Variants in CTNNA2 observed in about 807,000 individuals in gnomAD.
CTNNA2 encodes the protein catenin alpha 2.
In CTNNA2, 42 loss-of-function variants were observed where a neutral mutation model predicts 101.0. That is an observed-to-expected ratio of 0.42 (90% CI 0.32 to 0.54). The LOEUF (loss-of-function observed/expected upper bound fraction) is 0.54. CTNNA2 is among the 20% of genes least tolerant of loss of function. CTNNA2 has a pLI of 0.14. For synonymous variants in CTNNA2, 450 were observed against 456.4 expected (o/e 0.99, Z 0.18); for missense variants, 871 against 1,223.1 (o/e 0.71, Z 4.29).
intron 7 of CTNNA2, among the ~76,000 whole-genome samples, chr2:80,001,338 T>C (rs1692933257): frequency 6.6e-6 from 1 of 152,190 alleles, no homozygotes; most frequent in Non-Finnish European, 1.5e-5. Context: ...CCTTATATCA[T>C]GATATCCAGG....
chr2:79,386,920 T>A (rs1215133769), intron 4 of CTNNA2, among the ~76,000 whole-genome samples: 1 of 152,206 alleles, frequency 6.6e-6, no homozygotes, highest in Non-Finnish European at 1.5e-5. Flanking sequence ...TTATTCACAT[T>A]GTCAACCTGC....
intron 7 of CTNNA2, among the ~76,000 whole-genome samples, chr2:80,249,260 G>A (rs1369719924): frequency 6.6e-6 from 1 of 152,162 alleles, no homozygotes; most frequent in African/African-American, 2.4e-5. Flanking sequence ...TAAAGAACCT[G>A]CAGGAGCATT....
rs1558638175 is a variant in CTNNA2, at chr2:80,606,407, CA to C, written c.2296-1776del. ...ACACACACACACACACACACACACA[CA>C]CACACCCCCCAGGATACATTTATTT... On this transcript the variant is annotated intron_variant, in intron 16 of 18. Coordinates refer to ENST00000402739, the MANE Select transcript of CTNNA2 (RefSeq NM_001282597.3). Among the ~76,000 whole-genome samples, 63 of 104,226 alleles carry C rather than the reference CA, an allele frequency of 6.0e-4. 1 individual carries two copies. Among genetic ancestry groups the C allele is most frequent in the East Asian group, 4.6e-3 (18 of 3,934 alleles). The allele number at this position is 104,226 out of a possible 152,430, so 68.4% of individuals were successfully genotyped here.
intron 9 of CTNNA2, among the ~76,000 whole-genome samples, chr2:80,450,950 A>G (rs1313790467): frequency 1.3e-5 from 2 of 151,736 alleles, no homozygotes; most frequent in Non-Finnish European, 2.9e-5. Context: ...AGTCTTCATT[A>G]ATAACCTCCT....
intron 3 of CTNNA2, among the ~76,000 whole-genome samples, chr2:79,369,630 C>T (rs1272916316): frequency 6.6e-6 from 1 of 152,146 alleles, no homozygotes; most frequent in Non-Finnish European, 1.5e-5. Flanking sequence ...AAGGCTCACC[C>T]AACATAAATA....
intron 2 of CTNNA2, among the ~76,000 whole-genome samples, chr2:79,681,319 C>A (rs2104641803): frequency 6.6e-6 from 1 of 152,324 alleles, no homozygotes; most frequent in Non-Finnish European, 1.5e-5. Context: ...GAATAACCTT[C>A]TTTTCTGTTA....
intron 3 of CTNNA2, among the ~76,000 whole-genome samples, chr2:79,333,443 T>C (rs144280665): frequency 1.9e-3 from 293 of 152,126 alleles, no homozygotes; most frequent in African/African-American, 7.0e-3. Context: ...CCAAACAAAA[T>C]AAAATAAAAT....
chr2:80,639,828 C>T (rs968132872), intron 18 of CTNNA2, among the ~76,000 whole-genome samples: 3 of 151,982 alleles, frequency 2.0e-5, no homozygotes, highest in Admixed American at 6.6e-5. Flanking sequence ...GTCGGCCGGG[C>T]GCGGTGGCTC....
At chr2:79,757,114 T>A (rs1384685888) in intron 3 of CTNNA2, among the ~76,000 whole-genome samples, 1 of 152,212 alleles carries the variant, frequency 6.6e-6, no homozygotes, top group Admixed American at 6.5e-5. Flanking sequence ...TCACCTAATC[T>A]TGTTCCATTT....
At chr2:80,087,056 A>G (rs1444554361) in intron 7 of CTNNA2, among the ~76,000 whole-genome samples, 1 of 151,998 alleles carries the variant, frequency 6.6e-6, no homozygotes, top group Non-Finnish European at 1.5e-5. Context: ...AAGACAGACC[A>G]GATACCACTT....
At chr2:80,051,709 G>A (rs1026700083) in intron 7 of CTNNA2, among the ~76,000 whole-genome samples, 1 of 151,998 alleles carries the variant, frequency 6.6e-6, no homozygotes, top group African/African-American at 2.4e-5. Flanking sequence ...CCCCCACAGA[G>A]GCCATTGCTC....
chr2:80,210,804 A>G (rs1429525523), intron 7 of CTNNA2, among the ~76,000 whole-genome samples: 3 of 152,206 alleles, frequency 2.0e-5, no homozygotes, highest in Admixed American at 1.3e-4. Context: ...GTCTTCCACA[A>G]TGATTGAACT....
intron 4 of CTNNA2, among the ~76,000 whole-genome samples, chr2:79,457,074 C>T (rs1351124324): frequency 2.0e-5 from 3 of 151,698 alleles, no homozygotes; most frequent in African/African-American, 2.4e-5. Context: ...CGGTGGCGGG[C>T]GCCTGTAGTC....
At chr2:79,331,652 A>G (rs1289414611) in intron 3 of CTNNA2, among the ~76,000 whole-genome samples, 3 of 152,108 alleles carry the variant, frequency 2.0e-5, no homozygotes, top group Non-Finnish European at 4.4e-5. Context: ...CCTGGCTCCC[A>G]GGATCCTTGG....
At chr2:80,020,305 G>T (rs13384020) in intron 7 of CTNNA2, among the ~76,000 whole-genome samples, 8,269 of 152,218 alleles carry the variant, frequency 0.054, 639 homozygotes, top group African/African-American at 0.17. Context: ...ATACAAGGGG[G>T]TGTTGCTGTC....
At chr2:79,936,638 G>A (rs189943667) in intron 7 of CTNNA2, among the ~76,000 whole-genome samples, 44 of 152,028 alleles carry the variant, frequency 2.9e-4, no homozygotes, top group African/African-American at 1.0e-3. Context: ...TTGGATACTG[G>A]CATAACCATT....
chr2:79,410,696 G>T (rs958143480), intron 4 of CTNNA2, among the ~76,000 whole-genome samples: 15 of 149,476 alleles, frequency 1.0e-4, no homozygotes, highest in South Asian at 4.4e-4. Flanking sequence ...GCTGGATTCG[G>T]TTTGCCAGTA....
intron 2 of CTNNA2, among the ~76,000 whole-genome samples, chr2:79,206,292 A>G (rs1674099397): frequency 6.6e-6 from 1 of 152,136 alleles, no homozygotes; most frequent in Non-Finnish European, 1.5e-5. Context: ...AATAAGAAAA[A>G]AAAAAAAAGA....
At chr2:79,825,191 T>C (rs1264379016) in intron 3 of CTNNA2, among the ~76,000 whole-genome samples, 2 of 152,058 alleles carry the variant, frequency 1.3e-5, no homozygotes, top group African/African-American at 4.8e-5. Context: ...CCTGGCTCCA[T>C]AGGATTGTTG....
Sources: gnomAD v4.1 joint callset for allele counts (sites outside exome capture counted in the v4.1 genomes callset) on GRCh38, gnomAD v4.1.1 for gene constraint, MANE v1.5 for transcripts, NCBI Gene and HGNC (gene_info 2026-07-23, HGNC 2026-07-21) for gene names.